Variants in UBE2L3 observed in about 807,000 individuals in gnomAD.
UBE2L3 encodes the protein ubiquitin-conjugating enzyme E2 L3.
A neutral mutation model predicts 17.8 loss-of-function variants in UBE2L3; 1 was observed. The observed-to-expected ratio is 0.06, with a 90% confidence interval of 0.02 to 0.27. The LOEUF is 0.27. UBE2L3 is among the 10% of genes least tolerant of loss of function. The pLI is 1.00. For missense variants in UBE2L3, 40 were observed against 192.6 expected (o/e 0.21, Z 4.69); for synonymous variants, 44 against 68.5 (o/e 0.64, Z 1.76).
intron 3 of UBE2L3, among the ~76,000 whole-genome samples, chr22:21,613,925 C>T (rs1929636445): frequency 6.6e-6 from 1 of 152,224 alleles, no homozygotes; most frequent in African/African-American, 2.4e-5. Flanking sequence ...AGGCATAGAA[C>T]TGGTACGGTG....
At chr22:21,620,643 GGCACCCATCAGAGCCAT>G (rs1568990586) in intron 3 of UBE2L3, among the ~76,000 whole-genome samples, 1 of 152,106 alleles carries the variant, frequency 6.6e-6, no homozygotes, top group Non-Finnish European at 1.5e-5. Context: ...GGAGTACTGT[GGCACCCATCAGAGCCAT>G]CAGCGTGACA....
chr22:21,619,600 G>A (rs1929952567), intron 3 of UBE2L3, among the ~76,000 whole-genome samples: 1 of 152,254 alleles, frequency 6.6e-6, no homozygotes, highest in Admixed American at 6.5e-5. Flanking sequence ...TTGGACACCA[G>A]GCCAGGAGTA....
At chr22:21,609,664 C>T (rs1003967561) in intron 2 of UBE2L3, among the ~76,000 whole-genome samples, 1 of 151,652 alleles carries the variant, frequency 6.6e-6, no homozygotes, top group African/African-American at 2.4e-5. Context: ...GCCAAGATCA[C>T]GCCACCATCC....
At chr22:21,616,745 C>G (rs1301351941) in intron 3 of UBE2L3, among the ~76,000 whole-genome samples, 2 of 148,452 alleles carry the variant, frequency 1.3e-5, no homozygotes, top group Non-Finnish European at 3.0e-5. Context: ...AACAAAACAC[C>G]CCCCCCCTTT....
chr22:21,604,209 G>A (rs1929028497), intron 2 of UBE2L3, among the ~76,000 whole-genome samples: 1 of 152,098 alleles, frequency 6.6e-6, no homozygotes, highest in Non-Finnish European at 1.5e-5. Context: ...TGAAGATAAT[G>A]CTGAAATCAG....
intron 2 of UBE2L3, among the ~76,000 whole-genome samples, chr22:21,603,142 A>G (rs566064878): frequency 6.6e-6 from 1 of 152,322 alleles, no homozygotes; most frequent in East Asian, 1.9e-4. Flanking sequence ...ACATGCATGC[A>G]TTATAATGAC....
At chr22:21,577,886 G>A (rs143941833) in intron 1 of UBE2L3, among the ~76,000 whole-genome samples, 182 of 152,254 alleles carry the variant, frequency 1.2e-3, no homozygotes, top group Non-Finnish European at 2.2e-3. Context: ...ACCAAAGCAG[G>A]TGCTAATGTC....
At chr22:21,579,778 A>G (rs1370309472) in intron 1 of UBE2L3, among the ~76,000 whole-genome samples, 1 of 149,930 alleles carries the variant, frequency 6.7e-6, no homozygotes, top group Non-Finnish European at 1.5e-5. Flanking sequence ...CTCAGGGGGA[A>G]AAAAAAAAGT....
At chr22:21,567,618 C>T, upstream of UBE2L3, 1 of 1,530,876 alleles carries the variant, frequency 6.5e-7, no homozygotes, top group Admixed American at 2.1e-5. Context: ...GGGAAGCACA[C>T]AGTAGGTGCT....
At chr22:21,618,380 C>T (rs1601446244) in intron 3 of UBE2L3, among the ~76,000 whole-genome samples, 1 of 151,682 alleles carries the variant, frequency 6.6e-6, no homozygotes, top group African/African-American at 2.4e-5. Flanking sequence ...CTGGCTAACA[C>T]GGTGAAACCC....
chr22:21,614,734 A>G (rs543086947), intron 3 of UBE2L3: 18 of 996,290 alleles, frequency 1.8e-5, no homozygotes, highest in African/African-American at 1.0e-4. Flanking sequence ...ACTCTTAGCT[A>G]TATCTACCCA....
chr22:21,559,840 G>A (rs1397620342), intron 1 of UBE2L3, among the ~76,000 whole-genome samples: 2 of 152,278 alleles, frequency 1.3e-5, no homozygotes, highest in Non-Finnish European at 2.9e-5. Flanking sequence ...CACCTGGCCA[G>A]ACCCTAACCC....
At chr22:21,591,743 G>C (rs141982259) in intron 1 of UBE2L3, among the ~76,000 whole-genome samples, 39 of 152,304 alleles carry the variant, frequency 2.6e-4, no homozygotes, top group African/African-American at 8.2e-4. Context: ...TCTGGAGGGT[G>C]CTGGAGCTGG....
chr22:21,593,035 C>G, intron 2 of UBE2L3, 79 bp downstream of exon 2: 2 of 1,246,822 alleles, frequency 1.6e-6, no homozygotes, highest in Non-Finnish European at 2.3e-6. Context: ...TTTTTCTGCT[C>G]CTTAGTAGGC....
At chr22:21,601,209 A>G (rs1168408399) in intron 2 of UBE2L3, among the ~76,000 whole-genome samples, 2 of 152,096 alleles carry the variant, frequency 1.3e-5, no homozygotes, top group African/African-American at 2.4e-5. Flanking sequence ...CTTAAAGGCA[A>G]TTTACAAAGT....
chr22:21,610,406 G>A (rs1378151010), intron 2 of UBE2L3, among the ~76,000 whole-genome samples: 2 of 152,168 alleles, frequency 1.3e-5, no homozygotes, highest in Non-Finnish European at 2.9e-5. Context: ...GCAACACCAA[G>A]TATGAGCCCT....
chr22:21,586,497 C>T (rs1927941428), intron 1 of UBE2L3, among the ~76,000 whole-genome samples: 1 of 151,806 alleles, frequency 6.6e-6, no homozygotes, highest in Non-Finnish European at 1.5e-5. Context: ...TCTCAAACTC[C>T]TGACCTCAAG....
chr22:21,578,852 T>A (rs538061077), intron 1 of UBE2L3, among the ~76,000 whole-genome samples: 17 of 152,270 alleles, frequency 1.1e-4, no homozygotes, highest in African/African-American at 4.1e-4. Context: ...AGAGTTCAGA[T>A]GTAGATTTCT....
chr22:21,619,084 G>A (rs1929921812), intron 3 of UBE2L3, among the ~76,000 whole-genome samples: 1 of 152,134 alleles, frequency 6.6e-6, no homozygotes, highest in South Asian at 2.1e-4. Flanking sequence ...AGGAAGGGGA[G>A]CCACCTATTT....
Sources: gnomAD v4.1 joint callset for allele counts (sites outside exome capture counted in the v4.1 genomes callset) on GRCh38, gnomAD v4.1.1 for gene constraint, MANE v1.5 for transcripts, NCBI Gene and HGNC (gene_info 2026-07-23, HGNC 2026-07-21) for gene names.